Variants in ATP2B4 observed in about 807,000 individuals in gnomAD.
ATP2B4 encodes the protein ATPase plasma membrane Ca2+ transporting 4.
In ATP2B4, 39 loss-of-function variants were observed where a neutral mutation model predicts 110.3. The observed-to-expected ratio is 0.35, with a 90% CI of 0.27 to 0.46. The LOEUF (loss-of-function observed/expected upper bound fraction) is 0.46, where lower values mean the gene tolerates loss of function less well. ATP2B4 is among the 20% of genes least tolerant of loss of function. The pLI, the probability that ATP2B4 is intolerant of heterozygous loss-of-function variation, is 1.00. For missense variants in ATP2B4, 1,135 were observed against 1,530.9 expected (o/e 0.74, Z 4.32); for synonymous variants, 538 against 571.7 (o/e 0.94, Z 0.84).
At chr1:203,638,341 T>C (rs1365588756) in intron 1 of ATP2B4, among the ~76,000 whole-genome samples, 1 of 152,230 alleles carries the variant, frequency 6.6e-6, no homozygotes, top group Non-Finnish European at 1.5e-5. Context: ...CTGGCACTTA[T>C]GGACCATTAG....
At chr1:203,708,213 C>T (rs1207814393) in intron 10 of ATP2B4, 109 bp downstream of exon 10, 2 of 1,455,446 alleles carry the variant, frequency 1.4e-6, no homozygotes, top group East Asian at 2.3e-5. Context: ...TGCCATCCCA[C>T]ATCCCATTTC....
chr1:203,733,210 T>C, intron 20 of ATP2B4: 1 of 1,608,426 alleles, frequency 6.2e-7, no homozygotes, highest in Non-Finnish European at 8.5e-7. Flanking sequence ...TCTCACTCTC[T>C]GATTCTTTGC....
chr1:203,633,840 C>T (rs1254991441), intron 1 of ATP2B4, among the ~76,000 whole-genome samples: 3 of 151,884 alleles, frequency 2.0e-5, no homozygotes, highest in African/African-American at 4.8e-5. Context: ...CACCTGAGGT[C>T]GGGAGTTTTA....
At chr1:203,648,751 C>T (rs1663889625) in intron 1 of ATP2B4, among the ~76,000 whole-genome samples, 1 of 152,168 alleles carries the variant, frequency 6.6e-6, no homozygotes, top group Admixed American at 6.5e-5. Context: ...GGTTTCACCC[C>T]TCCACCTTCC....
At chr1:203,637,159 C>T (rs1006266651) in intron 1 of ATP2B4, among the ~76,000 whole-genome samples, 1 of 152,170 alleles carries the variant, frequency 6.6e-6, no homozygotes, top group Non-Finnish European at 1.5e-5. Flanking sequence ...CGGCTGGGTG[C>T]GGTGGCTCAC....
intron 2 of ATP2B4, among the ~76,000 whole-genome samples, chr1:203,697,950 C>T (rs975135426): frequency 1.8e-4 from 28 of 152,046 alleles, no homozygotes; most frequent in African/African-American, 6.5e-4. Flanking sequence ...AGCAATTCAC[C>T]CACCTTGGCC....
intron 16 of ATP2B4, 24 bp from the exon 17 acceptor site, chr1:203,721,173 A>G (rs1666309477): frequency 1.2e-6 from 2 of 1,611,696 alleles, no homozygotes; most frequent in East Asian, 2.2e-5. Flanking sequence ...AAAAGCTAAA[A>G]GGACTGGTTC....
intron 2 of ATP2B4, among the ~76,000 whole-genome samples, chr1:203,689,647 C>T (rs1384926754): frequency 6.6e-6 from 1 of 152,208 alleles, no homozygotes; most frequent in African/African-American, 2.4e-5. Context: ...GCCTCCAATT[C>T]TTTTTCAACA....
intron 1 of ATP2B4, among the ~76,000 whole-genome samples, chr1:203,645,863 A>G (rs1663782990): frequency 1.3e-5 from 2 of 152,232 alleles, no homozygotes; most frequent in South Asian, 4.2e-4. Context: ...TGCTGGGATT[A>G]CAGGCGTGAG....
Position 203,724,409 on chromosome 1 carries a change from C to A in ATP2B4, c.3132+421C>A, listed in dbSNP as rs561013587. On this transcript the variant is annotated intron_variant, in intron 19 of 20. Transcript: ENST00000357681. ...GCAGGTGCCTGTAGTCCCAGCTACT[C>A]GGGAGGCTGAGGCAGGAGAATGGCG... is the stretch of plus-strand genomic sequence containing the variant. 7.6e-3 allele frequency among the ~76,000 whole-genome samples: 1,150 copies of A among 151,950 alleles called. 17 individuals are homozygous for A. Among genetic ancestry groups the A allele is most frequent in the African/African-American group, 0.025 (1,054 of 41,410 alleles).
chr1:203,706,668 T>C (rs1048990451), intron 8 of ATP2B4, among the ~76,000 whole-genome samples: 9 of 152,220 alleles, frequency 5.9e-5, no homozygotes, highest in Admixed American at 1.3e-4. Context: ...AATAGGATCA[T>C]AGAAAGCTGT....
intron 1 of ATP2B4, among the ~76,000 whole-genome samples, chr1:203,650,123 C>T (rs921453052): frequency 7.9e-5 from 12 of 152,264 alleles, no homozygotes; most frequent in African/African-American, 2.9e-4. Context: ...TGTCCTCTGA[C>T]ATAATGCATG....
In ATP2B4 at chr1:203,743,142, A is replaced by T. The variant is rs1316345542; in HGVS notation, c.*3288A>T. The T allele has an allele frequency of 6.6e-6, 1 of 152,660 alleles. No individual in the cohort carries two copies. The highest frequency in any genetic ancestry group is 1.5e-5 in the Non-Finnish European group (1 of 68,064). 9.5% of individuals were successfully genotyped at this position (152,660 alleles called of 1,614,324 possible). On this transcript the variant is annotated 3_prime_UTR_variant, in exon 21 of 21. Transcript: ENST00000357681. ...TTGAGCTTCAGAGAGGAGAGTTGGC[A>T]TGGTTAAATCTGAATGGTTACCTCA...
At chr1:203,736,240 G>A (rs1328100684) in intron 20 of ATP2B4, among the ~76,000 whole-genome samples, 3 of 152,166 alleles carry the variant, frequency 2.0e-5, no homozygotes, top group African/African-American at 7.2e-5. Context: ...CGAGGCAGGT[G>A]GATTACTTGA....
At chr1:203,733,928 T>A (rs1666806924) in intron 20 of ATP2B4, among the ~76,000 whole-genome samples, 1 of 152,238 alleles carries the variant, frequency 6.6e-6, no homozygotes, top group Non-Finnish European at 1.5e-5. Context: ...AGTGGACCTG[T>A]CATAATTGAG....
At chr1:203,650,058 T>C (rs1042013173) in intron 1 of ATP2B4, among the ~76,000 whole-genome samples, 50 of 152,348 alleles carry the variant, frequency 3.3e-4, no homozygotes, top group African/African-American at 1.2e-3. Context: ...TCCATGGTGA[T>C]GTAAACGGAG....
chr1:203,661,665 C>T (rs966332138), intron 1 of ATP2B4, among the ~76,000 whole-genome samples: 2 of 152,208 alleles, frequency 1.3e-5, no homozygotes, highest in Admixed American at 1.3e-4. Flanking sequence ...CACACACAAG[C>T]ATGCTGCATG....
At position 203,660,081 on chromosome 1, in the gene ATP2B4, CA is replaced by C. The variant is rs1220626290; in HGVS notation, c.-464-22642del. ...TGGGCGGCAGAGCAAGACTCCATCT[CA>C]AAAAAAAAAAAAAAAAAAGAAAGAA... On this transcript the variant is annotated intron_variant, in intron 1 of 20. Transcript: ENST00000357681. 8.7e-3 allele frequency among the ~76,000 whole-genome samples: 1,260 copies of C among 145,014 alleles called. 13 individuals carry two copies. Among genetic ancestry groups the C allele is most frequent in the African/African-American group, 0.024 (941 of 38,522 alleles).
chr1:203,678,441 G>C (rs1167263893), intron 1 of ATP2B4, among the ~76,000 whole-genome samples: 1 of 133,068 alleles, frequency 7.5e-6, no homozygotes, highest in East Asian at 2.3e-4. Context: ...GGTTTGCCCA[G>C]GCTGAAACTA....
Sources: allele counts gnomAD v4.1 joint callset (sites outside exome capture counted in the v4.1 genomes callset), GRCh38; gene constraint gnomAD v4.1.1; transcripts MANE v1.5; gene names NCBI Gene and HGNC (gene_info 2026-07-23, HGNC 2026-07-21).